The following GDPD5 variants were observed in gnomAD, a reference collection of about 807,000 sequenced individuals.
The protein encoded by GDPD5 is glycerophosphodiester phosphodiesterase domain containing 5.
In GDPD5, 48 loss-of-function variants were observed where a neutral mutation model predicts 75.1. The observed-to-expected ratio is 0.64, with a 90% CI of 0.51 to 0.81. The LOEUF is 0.81. GDPD5 is among the 40% of genes least tolerant of loss of function. The pLI, the probability that GDPD5 is intolerant of heterozygous loss-of-function variation, is 0.00. For missense variants in GDPD5, 706 were observed against 822.6 expected (o/e 0.86, Z 1.73); for synonymous variants, 336 against 339.0 (o/e 0.99, Z 0.10).
chr11:75,487,262 T>C (rs1375390733), intron 2 of GDPD5, among the ~76,000 whole-genome samples: 4 of 152,208 alleles, frequency 2.6e-5, no homozygotes, highest in African/African-American at 9.7e-5. Flanking sequence ...TGTACAGCCT[T>C]GGGGAAGTCG....
chr11:75,441,106 G>A (rs1046574520), intron 14 of GDPD5, 57 bp downstream of exon 14: 1 of 1,570,512 alleles, frequency 6.4e-7, no homozygotes, highest in Non-Finnish European at 8.7e-7. Context: ...AGTGGTCAGG[G>A]CAGGCTATAG....
chr11:75,508,656 T>C (rs1950453182), intron 1 of GDPD5, among the ~76,000 whole-genome samples: 1 of 152,180 alleles, frequency 6.6e-6, no homozygotes, highest in East Asian at 1.9e-4. Flanking sequence ...TATCCCACTA[T>C]ATCTTTCTCC....
intron 1 of GDPD5, among the ~76,000 whole-genome samples, chr11:75,502,669 C>T (rs1950320930): frequency 6.6e-6 from 1 of 152,164 alleles, no homozygotes; most frequent in Admixed American, 6.5e-5. Flanking sequence ...GGAGTAATGG[C>T]TGAGGTGACA....
rs140233225 is a variant in GDPD5, at chr11:75,442,425, G to A, written c.1105C>T (p.Arg369Cys). The A allele has an allele frequency of 1.5e-4, 242 of 1,608,014 alleles. No individual in the cohort carries two copies. In the Middle Eastern group the frequency reaches 3.2e-3, roughly 21 times the overall value. ...AGAGTCACGTTGATAAAACTGCTGC[G>A]GTAGGGGTGCTCCCGGGGCGGGTCA... is the stretch of plus-strand genomic sequence containing the variant. ...LRDPPREHPY[R>C]SSFINVTLEA... The change falls in exon 12 of 17, where the codon CGC becomes TGC. Residue 369 changes from arginine (R) to cysteine (C), a missense_variant. Transcript: ENST00000336898.
At chr11:75,519,721 C>G (rs901826171) in intron 1 of GDPD5, among the ~76,000 whole-genome samples, 1 of 152,218 alleles carries the variant, frequency 6.6e-6, no homozygotes, top group Non-Finnish European at 1.5e-5. Flanking sequence ...CCCTGTGCCA[C>G]CAGCCACAGA....
intron 3 of GDPD5, among the ~76,000 whole-genome samples, chr11:75,477,201 C>G (rs1246021856): frequency 6.6e-6 from 1 of 152,150 alleles, no homozygotes; most frequent in Admixed American, 6.5e-5. Flanking sequence ...GTGACTGAGC[C>G]CCGGTGCCAG....
chr11:75,497,944 T>C (rs1164922951), intron 1 of GDPD5, among the ~76,000 whole-genome samples: 2 of 152,152 alleles, frequency 1.3e-5, no homozygotes, highest in Non-Finnish European at 2.9e-5. Flanking sequence ...CATGTTACAA[T>C]CTCCTGATTT....
intron 2 of GDPD5, 123 bp from the exon 3 acceptor site, chr11:75,477,918 C>T (rs1208210052): frequency 4.6e-6 from 2 of 432,346 alleles, no homozygotes; most frequent in East Asian, 3.4e-5. Flanking sequence ...AGTGGGGCTC[C>T]GTCTCACTTG....
intron 2 of GDPD5, among the ~76,000 whole-genome samples, chr11:75,482,980 T>C: frequency 6.6e-6 from 1 of 152,162 alleles, no homozygotes; most frequent in Non-Finnish European, 1.5e-5. Context: ...GAAGTTCTGC[T>C]AACAGAGGCA....
intron 3 of GDPD5, among the ~76,000 whole-genome samples, chr11:75,465,648 C>T (rs1949499391): frequency 6.6e-6 from 1 of 152,244 alleles, no homozygotes; most frequent in Admixed American, 6.5e-5. Flanking sequence ...TGAGGCTTAA[C>T]ACCCAGTTCC....
At chr11:75,465,232 C>T (rs1478360850) in intron 3 of GDPD5, among the ~76,000 whole-genome samples, 1 of 152,190 alleles carries the variant, frequency 6.6e-6, no homozygotes, top group African/African-American at 2.4e-5. Flanking sequence ...GCTTTATGCC[C>T]CATGCACAGA....
intron 10 of GDPD5, 33 bp from the exon 11 acceptor site, chr11:75,443,319 C>A (rs777011101): frequency 1.1e-5 from 17 of 1,577,690 alleles, no homozygotes; most frequent in African/African-American, 2.7e-5. Context: ...GAGTCAGTGA[C>A]CCCCCAGATC....
In GDPD5 at chr11:75,443,194, G is replaced by A. The variant is rs1474839595; in HGVS notation, c.890C>T (p.Ala297Val). The A allele has an allele frequency of 6.2e-7, 1 of 1,604,304 alleles. No individual in the cohort carries two copies. ...CAGGGTGGTCCAGTTAAGCATGGAG[G>A]CAGGCCTGCGGGCCAGCTCCGGGAA... is the stretch of plus-strand genomic sequence containing the variant. ...EEFPELARRP[A>V]SMLNWTTLQR... The change falls in exon 11 of 17, where the codon GCC (alanine) becomes GTC (valine). Residue 297 changes from alanine (A) to valine (V), a missense_variant. Transcript: ENST00000336898.
At chr11:75,437,373 G>T in intron 15 of GDPD5, 2 of 320,262 alleles carry the variant, frequency 6.2e-6, no homozygotes, top group Non-Finnish European at 5.8e-6. Flanking sequence ...AGATTTGGGA[G>T]CAGGAGGAGC....
At chr11:75,493,498 C>T (rs941543220) in intron 1 of GDPD5, among the ~76,000 whole-genome samples, 8 of 151,838 alleles carry the variant, frequency 5.3e-5, no homozygotes, top group Non-Finnish European at 1.2e-4. Flanking sequence ...AACTCCCGGA[C>T]TCAAGCAACC....
chr11:75,505,809 C>T (rs1196098597), intron 1 of GDPD5, among the ~76,000 whole-genome samples: 4 of 152,186 alleles, frequency 2.6e-5, no homozygotes, highest in South Asian at 2.1e-4. Context: ...AGTCCAGAAC[C>T]GTTTCTCCTA....
At chr11:75,482,231 G>A (rs370318183) in intron 2 of GDPD5, among the ~76,000 whole-genome samples, 5 of 152,246 alleles carry the variant, frequency 3.3e-5, no homozygotes, top group East Asian at 3.9e-4. Context: ...CCAGAACTTC[G>A]CTGATACTGG....
chr11:75,441,982 C>A (rs1442979261), intron 12 of GDPD5, among the ~76,000 whole-genome samples, 179 bp from the exon 13 acceptor site: 1 of 152,218 alleles, frequency 6.6e-6, no homozygotes, highest in African/African-American at 2.4e-5. Flanking sequence ...GCACTGGCAG[C>A]AACTCAGGAA....
chr11:75,441,595 G>C, intron 13 of GDPD5, 51 bp downstream of exon 13: 9 of 1,493,260 alleles, frequency 6.0e-6, no homozygotes, highest in Non-Finnish European at 8.1e-6. Context: ...GCAGGACTGG[G>C]AGAGACTCAG....
Sources: allele counts gnomAD v4.1 joint callset (sites outside exome capture counted in the v4.1 genomes callset), GRCh38; gene constraint gnomAD v4.1.1; transcripts MANE v1.5; gene names NCBI Gene and HGNC (gene_info 2026-07-23, HGNC 2026-07-21).